NSMCE2: variants seen among roughly 807,000 people sequenced by gnomAD.
NSMCE2 encodes NSE2 SUMO ligase component of SMC5/6 complex.
Under a neutral mutation model 23.8 loss-of-function variants are expected in NSMCE2, and 24 were observed. That is an observed-to-expected ratio of 1.01 (90% CI 0.73 to 1.42). The LOEUF (loss-of-function observed/expected upper bound fraction) is 1.42, where lower values mean the gene tolerates loss of function less well. Among genes scored for constraint, NSMCE2 ranks in the 40% most tolerant of loss-of-function variants. The probability of loss-of-function intolerance (pLI) is 0.00; values close to 1 mark genes in which losing one functional copy is unlikely to be tolerated. For missense variants in NSMCE2, 284 were observed against 296.5 expected, an observed-to-expected ratio of 0.96 and a Z score of 0.31; for synonymous variants, 92 against 94.1, an observed-to-expected ratio of 0.98 and a Z score of 0.13.
chr8:125,230,553 C>T (rs968871147), intron 5 of NSMCE2, among the ~76,000 whole-genome samples: 6 of 152,138 alleles, frequency 3.9e-5, no homozygotes, highest in African/African-American at 7.2e-5. Context: ...AACTTTCTTC[C>T]TTTTGTCTCT....
intron 5 of NSMCE2, among the ~76,000 whole-genome samples, chr8:125,299,204 T>C (rs569209340): frequency 6.6e-6 from 1 of 152,338 alleles, no homozygotes; most frequent in Non-Finnish European, 1.5e-5. Context: ...TTATCAATAG[T>C]CTAGTTGATA....
At chr8:125,345,985 G>A (rs184845156) in intron 5 of NSMCE2, among the ~76,000 whole-genome samples, 36 of 152,180 alleles carry the variant, frequency 2.4e-4, no homozygotes, top group East Asian at 5.8e-4. Context: ...GCAAAACCCC[G>A]TCTCTACTAA....
chr8:125,288,265 TACTGCTTCTCTG>T (rs1827976230), intron 5 of NSMCE2, among the ~76,000 whole-genome samples: 1 of 152,210 alleles, frequency 6.6e-6, no homozygotes, highest in African/African-American at 2.4e-5. Flanking sequence ...ATCCTGTCCT[TACTGCTTCTCTG>T]ACTGCTGGGA....
intron 5 of NSMCE2, among the ~76,000 whole-genome samples, chr8:125,209,960 G>A (rs1405860122): frequency 2.0e-5 from 3 of 152,196 alleles, no homozygotes; most frequent in African/African-American, 7.2e-5. Context: ...AAAGTCCTAT[G>A]CAAATAAATG....
At chr8:125,209,123 C>T (rs190923986) in intron 5 of NSMCE2, among the ~76,000 whole-genome samples, 27 of 152,164 alleles carry the variant, frequency 1.8e-4, no homozygotes, top group Admixed American at 7.2e-4. Context: ...GATTTTCTAT[C>T]GTCAGCTATT....
intron 5 of NSMCE2, among the ~76,000 whole-genome samples, chr8:125,298,321 A>C (rs564568167): frequency 2.6e-5 from 4 of 152,348 alleles, no homozygotes; most frequent in East Asian, 3.9e-4. Context: ...ACTTTGTTTA[A>C]GTTAACTCAT....
intron 3 of NSMCE2, among the ~76,000 whole-genome samples, chr8:125,143,806 G>T (rs1009107766): frequency 2.6e-5 from 4 of 152,130 alleles, no homozygotes; most frequent in South Asian, 2.1e-4. Context: ...TCTTGAGGGT[G>T]TGCCTCCCTA....
intron 5 of NSMCE2, among the ~76,000 whole-genome samples, chr8:125,271,728 A>G (rs1451087138): frequency 1.3e-5 from 2 of 152,190 alleles, no homozygotes; most frequent in Non-Finnish European, 2.9e-5. Flanking sequence ...TGGAGGATGC[A>G]TGCTTGATTT....
Position 125,161,483 on chromosome 8 carries a change from A to G in NSMCE2, c.264+10206A>G, listed in dbSNP as rs572375323. Among the ~76,000 whole-genome samples the G allele has an allele frequency of 2.6e-5, 4 of 152,250 alleles. No individual in the cohort carries two copies. In the South Asian group the frequency reaches 8.3e-4, roughly 32 times the overall value. ...GTGGAAGCTGATATTCAGAAAGATC[A>G]AGTCAGTATTACTTAAAATTGGAAA... On this transcript the variant is annotated intron_variant, in intron 4 of 7. Transcript: ENST00000287437.
At chr8:125,314,277 G>GTTTTGT (rs773992784) in intron 5 of NSMCE2, among the ~76,000 whole-genome samples, 2 of 151,844 alleles carry the variant, frequency 1.3e-5, no homozygotes, top group East Asian at 1.9e-4. Flanking sequence ...TTTTGTTTTT[G>GTTTTGT]TTTTGTTTTG....
At chr8:125,193,130 C>T (rs989476674) in intron 5 of NSMCE2, among the ~76,000 whole-genome samples, 39 of 152,026 alleles carry the variant, frequency 2.6e-4, no homozygotes, top group African/African-American at 9.4e-4. Context: ...GAAATAAATG[C>T]TTATGCTATT....
At chr8:125,346,064 G>A (rs1257688549) in intron 5 of NSMCE2, among the ~76,000 whole-genome samples, 2 of 152,180 alleles carry the variant, frequency 1.3e-5, no homozygotes, top group Non-Finnish European at 2.9e-5. Flanking sequence ...GGCTGAGGCA[G>A]GAGAATCGCT....
At chr8:125,334,831 G>A (rs1429289946) in intron 5 of NSMCE2, among the ~76,000 whole-genome samples, 1 of 131,558 alleles carries the variant, frequency 7.6e-6, no homozygotes, top group African/African-American at 2.9e-5. Context: ...CACCCAGGCT[G>A]GAGTGCAGTG....
intron 5 of NSMCE2, among the ~76,000 whole-genome samples, chr8:125,310,928 G>T (rs1372733981): frequency 6.6e-6 from 1 of 152,174 alleles, no homozygotes; most frequent in Admixed American, 6.5e-5. Context: ...AAAGAATATG[G>T]TTTATTGATG....
At chr8:125,345,377 G>A (rs1830396625) in intron 5 of NSMCE2, among the ~76,000 whole-genome samples, 1 of 152,184 alleles carries the variant, frequency 6.6e-6, no homozygotes, top group Non-Finnish European at 1.5e-5. Flanking sequence ...TAAGATGTTT[G>A]TCTTCAAAAC....
At chr8:125,343,967 C>T (rs1830342086) in intron 5 of NSMCE2, among the ~76,000 whole-genome samples, 1 of 152,206 alleles carries the variant, frequency 6.6e-6, no homozygotes, top group African/African-American at 2.4e-5. Flanking sequence ...GATCGCGCCA[C>T]TGCACACCAG....
chr8:125,147,620 A>G (rs1820761217), intron 3 of NSMCE2, among the ~76,000 whole-genome samples: 2 of 152,138 alleles, frequency 1.3e-5, no homozygotes, highest in African/African-American at 4.8e-5. Flanking sequence ...AATTTGGTAT[A>G]TATTCTCAAA....
At chr8:125,262,956 T>A (rs1402635316) in intron 5 of NSMCE2, among the ~76,000 whole-genome samples, 1 of 152,206 alleles carries the variant, frequency 6.6e-6, no homozygotes, top group Admixed American at 6.5e-5. Context: ...AGTATCTTTA[T>A]ATTGTTCTCT....
intron 3 of NSMCE2, among the ~76,000 whole-genome samples, chr8:125,149,200 C>T (rs185088015): frequency 1.3e-5 from 2 of 152,250 alleles, no homozygotes; most frequent in Admixed American, 1.3e-4. Context: ...GACCCCCTAA[C>T]TTACATTGAG....
Sources: allele counts gnomAD v4.1 joint callset (sites outside exome capture counted in the v4.1 genomes callset), GRCh38; gene constraint gnomAD v4.1.1; transcripts MANE v1.5; gene names NCBI Gene and HGNC (gene_info 2026-07-23, HGNC 2026-07-21).